Variants in CERS6 observed in about 807,000 individuals in gnomAD.
CERS6 encodes the protein LAG1 homolog, ceramide synthase 6.
A neutral mutation model predicts 56.8 loss-of-function variants in CERS6; 26 were observed. That is an observed-to-expected ratio of 0.46 (90% CI 0.34 to 0.63). The LOEUF is 0.63. CERS6 is among the 30% of genes least tolerant of loss of function. The pLI is 0.01. For missense variants in CERS6, 415 were observed against 467.5 expected (o/e 0.89, Z 1.04); for synonymous variants, 164 against 173.3 (o/e 0.95, Z 0.42).
intron 9 of CERS6, chr2:168,766,379 C>T (rs1684732519): frequency 1.3e-6 from 2 of 1,588,748 alleles, no homozygotes; most frequent in Admixed American, 1.7e-5. Flanking sequence ...TATCCCTGTC[C>T]TGAGTGCCTC....
At chr2:168,753,965 C>T (rs1367753567) in intron 8 of CERS6, among the ~76,000 whole-genome samples, 1 of 152,206 alleles carries the variant, frequency 6.6e-6, no homozygotes, top group African/African-American at 2.4e-5. Flanking sequence ...TCCCTCTCCA[C>T]CTGTGTGCAA....
In CERS6 at chr2:168,772,297, T is replaced by C. The variant is rs1252422285; in HGVS notation, c.*2635T>C. The C allele has an allele frequency of 1.3e-5, 2 of 152,608 alleles. No individual in the cohort carries two copies. Among genetic ancestry groups the C allele is most frequent in the Non-Finnish European group, 2.9e-5 (2 of 68,026 alleles). The allele number at this position is 152,608 out of a possible 1,614,324, so 9.5% of individuals were successfully genotyped here. A position where few individuals can be genotyped will look rare whatever the true frequency, so the allele number is the denominator to read the frequency against. On this transcript the variant is annotated 3_prime_UTR_variant, in exon 10 of 10. Coordinates refer to ENST00000305747, the MANE Select transcript of CERS6 (RefSeq NM_203463.3). Reference sequence around the variant, plus strand: ...TATGTAGAAAGGATTCCAGAAGAAGTAATACTTTATTCTCTAATGTTAATA... The same window carrying C: ...TATGTAGAAAGGATTCCAGAAGAAGCAATACTTTATTCTCTAATGTTAATA...
chr2:168,731,620 G>A (rs1221213429), intron 8 of CERS6, among the ~76,000 whole-genome samples: 3 of 152,106 alleles, frequency 2.0e-5, no homozygotes, highest in Non-Finnish European at 4.4e-5. Context: ...GGACAAAGGA[G>A]AAGTAGCAGG....
At chr2:168,762,693 T>G (rs940401523) in intron 8 of CERS6, among the ~76,000 whole-genome samples, 12 of 152,344 alleles carry the variant, frequency 7.9e-5, no homozygotes, top group African/African-American at 2.4e-4. Flanking sequence ...TTCAAATCAT[T>G]AAACTCTATC....
chr2:168,506,148 A>G (rs1694673479), intron 1 of CERS6, among the ~76,000 whole-genome samples: 1 of 152,198 alleles, frequency 6.6e-6, no homozygotes, highest in South Asian at 2.1e-4. Flanking sequence ...TTGTTGAACT[A>G]GAGTTCTAAG....
chr2:168,540,957 G>C (rs1397116317), intron 1 of CERS6, among the ~76,000 whole-genome samples: 1 of 152,128 alleles, frequency 6.6e-6, no homozygotes, highest in Non-Finnish European at 1.5e-5. Flanking sequence ...AGTTTATAAA[G>C]AACATGTTTA....
intron 3 of CERS6, among the ~76,000 whole-genome samples, chr2:168,562,156 C>T (rs189280454): frequency 2.1e-4 from 32 of 152,122 alleles, no homozygotes; most frequent in African/African-American, 6.3e-4. Context: ...GTAGTGCTTT[C>T]GGTGTAACTC....
intron 3 of CERS6, among the ~76,000 whole-genome samples, chr2:168,574,428 A>G (rs940064548): frequency 6.7e-6 from 1 of 149,562 alleles, no homozygotes; most frequent in Non-Finnish European, 1.5e-5. Context: ...AGCATTTACT[A>G]TCTGCTGGGT....
At chr2:168,620,964 TG>T in intron 3 of CERS6, among the ~76,000 whole-genome samples, 1 of 152,230 alleles carries the variant, frequency 6.6e-6, no homozygotes, top group African/African-American at 2.4e-5. Flanking sequence ...GGTCTCAGTA[TG>T]TTGCCCAGGC....
chr2:168,646,642 G>A (rs1357476073), intron 4 of CERS6, among the ~76,000 whole-genome samples: 1 of 152,178 alleles, frequency 6.6e-6, no homozygotes, highest in African/African-American at 2.4e-5. Context: ...TATCACCTAC[G>A]TTGTTTTCCA....
chr2:168,702,303 A>G (rs1341889565), intron 6 of CERS6, among the ~76,000 whole-genome samples: 1 of 152,208 alleles, frequency 6.6e-6, no homozygotes, highest in Non-Finnish European at 1.5e-5. Flanking sequence ...TTTTGAACTG[A>G]ACTTTTTTTC....
At chr2:168,755,943 A>C (rs1684404240) in intron 8 of CERS6, among the ~76,000 whole-genome samples, 1 of 152,220 alleles carries the variant, frequency 6.6e-6, no homozygotes, top group Non-Finnish European at 1.5e-5. Flanking sequence ...CACCTCTGCA[A>C]AACATACCAT....
chr2:168,586,575 G>A (rs565514879), intron 3 of CERS6, among the ~76,000 whole-genome samples: 39 of 152,214 alleles, frequency 2.6e-4, no homozygotes, highest in African/African-American at 9.4e-4. Context: ...TTTTAACTGT[G>A]GAGTTACCCA....
chr2:168,551,500 T>A (rs1245521457), intron 2 of CERS6, among the ~76,000 whole-genome samples: 1 of 152,110 alleles, frequency 6.6e-6, no homozygotes, highest in African/African-American at 2.4e-5. Flanking sequence ...TATGTAAAAA[T>A]CTTTGAATAA....
chr2:168,714,339 A>G (rs1204042139), intron 6 of CERS6, among the ~76,000 whole-genome samples: 1 of 152,228 alleles, frequency 6.6e-6, no homozygotes, highest in East Asian at 1.9e-4. Context: ...ACCCTTCTGT[A>G]GGCAGTGGAC....
At chr2:168,703,065 T>G (rs1686843046) in intron 6 of CERS6, among the ~76,000 whole-genome samples, 1 of 152,228 alleles carries the variant, frequency 6.6e-6, no homozygotes, top group Non-Finnish European at 1.5e-5. Flanking sequence ...GTATTAACAT[T>G]TAATGGAGTT....
intron 1 of CERS6, among the ~76,000 whole-genome samples, chr2:168,544,923 C>G (rs1167632255): frequency 6.6e-6 from 1 of 151,778 alleles, no homozygotes; most frequent in Non-Finnish European, 1.5e-5. Context: ...ATAATACTTT[C>G]ACAACTTGAA....
chr2:168,738,313 T>C (rs114390366), intron 8 of CERS6, among the ~76,000 whole-genome samples: 2,571 of 152,248 alleles, frequency 0.017, 65 homozygotes, highest in African/African-American at 0.058. Context: ...AATTCAGTGT[T>C]GGTGGATGGT....
In CERS6 at chr2:168,605,337, G is replaced by A. The variant is rs181893551; in HGVS notation, c.408-25648G>A. Reference sequence around the variant, plus strand: ...AGCAAAGCATTCAAGATGTAGCCTGGCTGCTTCTAACATCCTGTGCTCATA... The same window carrying A: ...AGCAAAGCATTCAAGATGTAGCCTGACTGCTTCTAACATCCTGTGCTCATA... On this transcript the variant is annotated intron_variant, in intron 3 of 9. Transcript: ENST00000305747. Among the ~76,000 whole-genome samples, 3 of 152,310 alleles carry A rather than the reference G, an allele frequency of 2.0e-5. No homozygotes were observed. In the East Asian group the frequency reaches 5.8e-4, roughly 29 times the overall value.
Sources: gnomAD v4.1 joint callset for allele counts (sites outside exome capture counted in the v4.1 genomes callset) on GRCh38, gnomAD v4.1.1 for gene constraint, MANE v1.5 for transcripts, NCBI Gene and HGNC (gene_info 2026-07-23, HGNC 2026-07-21) for gene names.